CABLES2: variants seen among roughly 807,000 people sequenced by gnomAD.
CABLES2 encodes CDK5 and ABL1 enzyme substrate 2.
A neutral mutation model predicts 44.8 loss-of-function variants in CABLES2; 35 were observed. The observed-to-expected ratio is 0.78, with a 90% CI of 0.60 to 1.04. The LOEUF (loss-of-function observed/expected upper bound fraction) is 1.04. Among genes scored for constraint, CABLES2 ranks in the 50% least tolerant of loss-of-function variants. CABLES2 has a pLI of 0.00. For synonymous variants in CABLES2, 282 were observed against 281.1 expected, an observed-to-expected ratio of 1.00 and a Z score of -0.03; for missense variants, 566 against 615.7, an observed-to-expected ratio of 0.92 and a Z score of 0.85.
At position 62,388,849 on chromosome 20, in the gene CABLES2, C is replaced by A; in HGVS notation, c.*2122G>T. 4 of 251,458 alleles carry A rather than the reference C, an allele frequency of 1.6e-5. No individual in the cohort carries two copies. In the South Asian group the frequency reaches 2.2e-4, roughly 14 times the overall value. 15.6% of individuals were successfully genotyped at this position (251,458 alleles called of 1,614,324 possible). Reference sequence around the variant, plus strand: ...CACCTGGATGTGTTCTAGAGAATGACAGGCTGAGACTGTAGTTTGGTTTAA... The same window carrying A: ...CACCTGGATGTGTTCTAGAGAATGAAAGGCTGAGACTGTAGTTTGGTTTAA... On this transcript the variant is annotated 3_prime_UTR_variant, in exon 10 of 10. Transcript: ENST00000279101.
At position 62,398,170 on chromosome 20, in the gene CABLES2, TA is replaced by T. The variant is rs1346111998; in HGVS notation, c.363-1579del. Among the ~76,000 whole-genome samples, 106 of 117,516 alleles carry T rather than the reference TA, an allele frequency of 9.0e-4. 5 individuals carry two copies. In the East Asian group the frequency reaches 0.024, roughly 26 times the overall value. The allele number at this position is 117,516 out of a possible 152,430, so 77.1% of individuals were successfully genotyped here. ...GTGGTGGTGGTGACGGTGATGGTGGTAATGGTGGTGGTGGTGATGGTGATGA... is the reference window on the plus strand; with the variant it reads ...GTGGTGGTGGTGACGGTGATGGTGGTATGGTGGTGGTGGTGATGGTGATGA... On this transcript the variant is annotated intron_variant, in intron 1 of 9. Coordinates refer to ENST00000279101, the MANE Select transcript of CABLES2 (RefSeq NM_031215.3).
intron 5 of CABLES2, 65 bp downstream of exon 5, chr20:62,394,092 G>A: frequency 7.8e-7 from 1 of 1,280,040 alleles, no homozygotes; most frequent in South Asian, 1.2e-5. Context: ...ACTGACGTGG[G>A]ACTGCTCCCA....
intron 1 of CABLES2, among the ~76,000 whole-genome samples, chr20:62,406,607 T>A (rs75271543): frequency 2.2e-5 from 1 of 45,192 alleles, no homozygotes; most frequent in Non-Finnish European, 4.4e-5. Context: ...ACTGACAAGG[T>A]CCCAGGTGAA....
At chr20:62,400,666 G>C (rs1378982755) in intron 1 of CABLES2, among the ~76,000 whole-genome samples, 1 of 152,166 alleles carries the variant, frequency 6.6e-6, no homozygotes, top group Non-Finnish European at 1.5e-5. Context: ...TTCATTTGGA[G>C]GCCCGTGGGG....
chr20:62,394,319 G>T, intron 4 of CABLES2, 54 bp from the exon 5 acceptor site: 1 of 1,461,046 alleles, frequency 6.8e-7, no homozygotes, highest in Non-Finnish European at 9.6e-7. Context: ...TCAGGCTCTG[G>T]CAGCCCAGCC....
rs754223254 is a variant in CABLES2, at chr20:62,391,107, A to G, written c.1301T>C (p.Leu434Ser). 5.0e-6 allele frequency: 8 copies of G among 1,613,924 alleles called. No homozygotes were observed. Among genetic ancestry groups the G allele is most frequent in the East Asian group, 4.5e-5 (2 of 44,890 alleles). The change falls in exon 10 of 10, where the codon TTA (leucine) becomes TCA (serine). Residue 434 changes from leucine to serine, a missense_variant. By Grantham distance (145) the Leu-to-Ser change is moderately radical (BLOSUM62 -2). Coordinates refer to ENST00000279101, the MANE Select transcript of CABLES2 (RefSeq NM_031215.3). The surrounding 1 kb of genome is among the most constrained non-coding windows in gnomAD (Gnocchi z 5.7). The stretch of plus-strand genomic sequence containing the variant: ...CCTGTTGAATCGAAACCTTTCTTCT[A>G]ACTTCTGCAGGGGAGAAGAGAGAAG... ...KSGVTQLIDK[L>S]EERFRFNRRD...
In CABLES2 at chr20:62,391,564, A is replaced by G. The variant is rs1195077165; in HGVS notation, c.1092-111T>C. 10 of 1,063,520 alleles carry G rather than the reference A, an allele frequency of 9.4e-6. No homozygotes were observed. Among genetic ancestry groups the G allele is most frequent in the Non-Finnish European group, 1.3e-5 (9 of 700,436 alleles). The allele number at this position is 1,063,520 out of a possible 1,614,324, so 65.9% of individuals were successfully genotyped here. A position where few individuals can be genotyped will look rare whatever the true frequency, so the allele number is the denominator to read the frequency against. On this transcript the variant is annotated intron_variant, in intron 8 of 9. Transcript: ENST00000279101. This position sits in a 1 kb window ranked among gnomAD's most constrained non-coding sequence, Gnocchi z 5.7. ...AGCGATGTAGCTTTGGGCCGCAAGA[A>G]ACACCACCGCATCCTTCAGGGGATG...
At position 62,392,509 on chromosome 20, in the gene CABLES2, T is replaced by G. The variant is rs376596864; in HGVS notation, c.985-14A>C. The G allele has an allele frequency of 3.3e-5, 52 of 1,587,906 alleles. No homozygotes were observed. The Middle Eastern group carries it at 5.0e-4, about 15-fold the overall frequency. On this transcript the variant is annotated splice_polypyrimidine_tract_variant and intron_variant, in intron 7 of 9. Coordinates refer to ENST00000279101, the MANE Select transcript of CABLES2 (RefSeq NM_031215.3). ...TATCACTGTGGTCTGCAACAGAGAG[T>G]GGGCAGGGTTGGGCCGGCCCCTCGC...
chr20:62,392,861 C>T (rs1048152256), intron 7 of CABLES2, 59 bp downstream of exon 7: 1 of 1,491,326 alleles, frequency 6.7e-7, no homozygotes, highest in African/African-American at 1.4e-5. Flanking sequence ...GCCCCACACG[C>T]CCCGAGCCAG....
chr20:62,392,264 C>T (rs1360178933), intron 8 of CABLES2, 125 bp downstream of exon 8: 6 of 685,882 alleles, frequency 8.7e-6, no homozygotes, highest in East Asian at 2.6e-5. Context: ...GGTCGGATGG[C>T]GAGAGGGGGT....
chr20:62,397,917 G>GTGA (rs1988051492), intron 1 of CABLES2, among the ~76,000 whole-genome samples: 1 of 79,190 alleles, frequency 1.3e-5, no homozygotes, highest in East Asian at 4.5e-4. Context: ...GGTGATGGCA[G>GTGA]TGGTGATGGT....
At position 62,407,104 on chromosome 20, in the gene CABLES2, T is replaced by A. The variant is rs1233855560; in HGVS notation, c.173A>T (p.Asp58Val). 10 of 1,041,596 alleles carry A rather than the reference T, an allele frequency of 9.6e-6. No homozygotes were observed. The highest frequency in any genetic ancestry group is 3.5e-5 in the African/African-American group (2 of 57,624). 64.5% of individuals were successfully genotyped at this position (1,041,596 alleles called of 1,614,324 possible). Residue 58 changes from aspartate (D) to valine (V), a missense_variant, in exon 1 of 10, where the codon GAC becomes GTC. Transcript: ENST00000279101. ...ALFFLNNISL[D>V]GRPPSLGPGG... is the part of the protein sequence containing the mutation. ...CGGGCCCAGGCTCGGGGGCCGCCCG[T>A]CCAGGGAGATGTTGTTGAGGAAGAA...
At position 62,406,795 on chromosome 20, in the gene CABLES2, C is replaced by A. The variant is rs1988300847; in HGVS notation, c.362+120G>T. On this transcript the variant is annotated intron_variant, in intron 1 of 9. Coordinates refer to ENST00000279101, the MANE Select transcript of CABLES2 (RefSeq NM_031215.3). ...TGACAAGGCCCCAGGTCACCTGACCCCCTTGTCCTGGGCTGATGAGGCCCC... is the reference window on the plus strand; with the variant it reads ...TGACAAGGCCCCAGGTCACCTGACCACCTTGTCCTGGGCTGATGAGGCCCC... 5.8e-6 allele frequency: 3 copies of A among 513,344 alleles called. No individual in the cohort carries two copies. In the South Asian group the frequency reaches 2.8e-4, roughly 48 times the overall value. 31.8% of individuals were successfully genotyped at this position (513,344 alleles called of 1,614,324 possible). A position where few individuals can be genotyped will look rare whatever the true frequency, so the allele number is the denominator to read the frequency against.
In CABLES2 at chr20:62,407,228, C is replaced by T. The variant is rs897926945; in HGVS notation, c.49G>A (p.Ala17Thr). The T allele has an allele frequency of 8.9e-6, 8 of 900,664 alleles. No homozygotes were observed. Among genetic ancestry groups the T allele is most frequent in the Admixed American group, 6.5e-5 (1 of 15,418 alleles). 55.8% of individuals were successfully genotyped at this position (900,664 alleles called of 1,614,324 possible). The change falls in exon 1 of 10, where the codon GCC becomes ACC. Residue 17 changes from alanine to threonine, a missense_variant. Ala to Thr is a moderately conservative substitution (Grantham distance 58, BLOSUM62 0). Coordinates refer to ENST00000279101, the MANE Select transcript of CABLES2 (RefSeq NM_031215.3). Reference protein sequence around the residue: ...GGAPGPAPGPAGPPPPAAPTS... With the variant: ...GGAPGPAPGPTGPPPPAAPTS... Reference sequence around the variant, plus strand: ...GGCGCGGCGGGTGGCGGGGGCCCGGCGGGGCCGGGGGCCGGGCCCGGGGCT... The same window carrying T: ...GGCGCGGCGGGTGGCGGGGGCCCGGTGGGGCCGGGGGCCGGGCCCGGGGCT...
intron 5 of CABLES2, 70 bp from the exon 6 acceptor site, chr20:62,393,675 C>A: frequency 6.8e-7 from 1 of 1,478,514 alleles, no homozygotes; most frequent in Non-Finnish European, 9.1e-7. Context: ...GCTCCCGCTG[C>A]AGGAAGCCCA....
intron 1 of CABLES2, among the ~76,000 whole-genome samples, chr20:62,397,861 C>G (rs1474841637): frequency 1.4e-5 from 2 of 144,894 alleles, no homozygotes; most frequent in African/African-American, 5.0e-5. Flanking sequence ...GGGCTGTTGG[C>G]CCCCAGAAGG....
intron 1 of CABLES2, among the ~76,000 whole-genome samples, chr20:62,398,071 C>CGGTGGTGATGAT (rs1988080214): frequency 1.3e-3 from 88 of 68,272 alleles, no homozygotes; most frequent in African/African-American, 5.6e-3. Flanking sequence ...GTGGTGGTGA[C>CGGTGGTGATGAT]GGTGGTGGTG....
At chr20:62,406,436 C>CTGAA (rs10671674) in intron 1 of CABLES2, among the ~76,000 whole-genome samples, 27,464 of 151,896 alleles carry the variant, frequency 0.18, 2,672 homozygotes, top group Middle Eastern at 0.26. Flanking sequence ...GTAATAAGGG[C>CTGAA]TGAACCCTAA....
In CABLES2 at chr20:62,391,270, G is replaced by A. The variant is rs137984777; in HGVS notation, c.1275C>T (p.Ser425=). ...TCACATCGATGAGCTGCGTCACGCC[G>A]CTCTTGCGCAGGTCACTGCTGATCT... The part of the protein sequence containing the change: ...AAKISSDLRK[S]GVTQLIDKLE... The change falls in exon 9 of 10, where the codon AGC becomes AGT. Residue 425 remains serine (S), a synonymous_variant. Coordinates refer to ENST00000279101, the MANE Select transcript of CABLES2 (RefSeq NM_031215.3). The surrounding 1 kb of genome is among the most constrained non-coding windows in gnomAD (Gnocchi z 5.7). 187 of 1,610,882 alleles carry A rather than the reference G, an allele frequency of 1.2e-4. No homozygotes were observed. The African/African-American group carries it at 2.3e-3, about 20-fold the overall frequency.
Sources: allele counts gnomAD v4.1 joint callset (sites outside exome capture counted in the v4.1 genomes callset), GRCh38; gene constraint gnomAD v4.1.1; non-coding constraint Gnocchi (gnomAD v3.1); transcripts MANE v1.5; gene names NCBI Gene and HGNC (gene_info 2026-07-23, HGNC 2026-07-21).